SLC22A3: variants seen among roughly 807,000 people sequenced by gnomAD.
SLC22A3 encodes EMT organic cation transporter 3.
Under a neutral mutation model 59.1 loss-of-function variants are expected in SLC22A3, and 51 were observed. The ratio of observed to expected loss-of-function variants is 0.86; its 90% confidence interval spans 0.69 to 1.09. The LOEUF is 1.09. Ranked by LOEUF, SLC22A3 falls within the 50% of genes least tolerant of loss-of-function variation. SLC22A3 has a pLI of 0.00. For missense variants in SLC22A3, 711 were observed against 726.3 expected, an observed-to-expected ratio of 0.98 and a Z score of 0.24; for synonymous variants, 325 against 292.0, an observed-to-expected ratio of 1.11 and a Z score of -1.15.
intron 2 of SLC22A3, among the ~76,000 whole-genome samples, chr6:160,401,990 A>C (rs961750655): frequency 1.3e-5 from 2 of 151,970 alleles, no homozygotes; most frequent in African/African-American, 2.4e-5. Flanking sequence ...AAGGGAAACA[A>C]ATAGAAGATG....
chr6:160,441,276 A>T (rs1788528331), intron 7 of SLC22A3, among the ~76,000 whole-genome samples: 1 of 152,064 alleles, frequency 6.6e-6, no homozygotes, highest in Non-Finnish European at 1.5e-5. Context: ...GATGGAGTGG[A>T]ATGCATTACC....
At chr6:160,353,595 G>C (rs1422491304) in intron 1 of SLC22A3, among the ~76,000 whole-genome samples, 2 of 151,980 alleles carry the variant, frequency 1.3e-5, no homozygotes. Flanking sequence ...AAAATATGAG[G>C]GAAAAGATGT....
chr6:160,396,041 A>T (rs1786456479), intron 1 of SLC22A3, among the ~76,000 whole-genome samples: 1 of 152,176 alleles, frequency 6.6e-6, no homozygotes, highest in Non-Finnish European at 1.5e-5. Context: ...ATTTTAAGGG[A>T]GCCAGTTTTC....
intron 1 of SLC22A3, among the ~76,000 whole-genome samples, chr6:160,351,863 A>T (rs977074176): frequency 5.3e-5 from 8 of 152,176 alleles, no homozygotes; most frequent in Admixed American, 5.2e-4. Flanking sequence ...TATGTAGCCA[A>T]ACTGGATTCA....
intron 3 of SLC22A3, 53 bp downstream of exon 3, chr6:160,407,248 A>C: frequency 6.5e-7 from 1 of 1,530,714 alleles, no homozygotes; most frequent in Non-Finnish European, 8.8e-7. Context: ...CCAGATAGCC[A>C]ACAAATGCTA....
intron 1 of SLC22A3, among the ~76,000 whole-genome samples, chr6:160,357,128 A>T (rs9457911): frequency 6.6e-6 from 1 of 152,202 alleles, no homozygotes; most frequent in Non-Finnish European, 1.5e-5. Flanking sequence ...AAACCACTGG[A>T]TGGAGGAAGG....
chr6:160,380,666 C>G (rs1282869798), intron 1 of SLC22A3, among the ~76,000 whole-genome samples: 1 of 152,060 alleles, frequency 6.6e-6, no homozygotes, highest in Non-Finnish European at 1.5e-5. Context: ...AGTCACTATG[C>G]TATTTAAATT....
At chr6:160,433,480 C>G (rs951011693) in intron 5 of SLC22A3, among the ~76,000 whole-genome samples, 5 of 151,964 alleles carry the variant, frequency 3.3e-5, no homozygotes, top group African/African-American at 9.7e-5. Flanking sequence ...CCCAGGAGTT[C>G]AAGACCAGCC....
At chr6:160,374,167 C>T (rs1423273456) in intron 1 of SLC22A3, among the ~76,000 whole-genome samples, 2 of 152,222 alleles carry the variant, frequency 1.3e-5, no homozygotes, top group African/African-American at 4.8e-5. Flanking sequence ...CTGATCTGCA[C>T]GTTGTGAAGA....
chr6:160,358,743 A>C (rs1784922728), intron 1 of SLC22A3, among the ~76,000 whole-genome samples: 2 of 152,346 alleles, frequency 1.3e-5, no homozygotes, highest in South Asian at 4.1e-4. Context: ...GCTCTTTGTC[A>C]CTAACTGTGG....
At chr6:160,410,694 T>C (rs779440293) in intron 4 of SLC22A3, 35 bp from the exon 5 acceptor site, 6 of 1,350,962 alleles carry the variant, frequency 4.4e-6, no homozygotes, top group Non-Finnish European at 6.4e-6. Flanking sequence ...TTGAAATTCC[T>C]AGACATAACT....
chr6:160,436,865 T>C lies in SLC22A3; in HGVS notation c.1061T>C (p.Leu354Pro). 6.2e-7 allele frequency: 1 copy of C among 1,613,578 alleles called. No homozygotes were observed. The highest frequency in any genetic ancestry group is 1.1e-5 in the South Asian group (1 of 91,076). Residue 354 changes from leucine to proline, a missense_variant, in exon 6 of 11, where the codon CTT becomes CCT. Coordinates refer to ENST00000275300, the MANE Select transcript of SLC22A3 (RefSeq NM_021977.4). ...CAAATGAGGAAATGCACACTTATTC[T>C]TATGTTTGCTTGGTAAGTTTGACTT... is the stretch of plus-strand genomic sequence containing the variant. ...TPQMRKCTLILMFAWFTSAVV... is the reference protein window; with the variant it reads ...TPQMRKCTLIPMFAWFTSAVV...
chr6:160,372,231 C>A (rs901502690), intron 1 of SLC22A3, among the ~76,000 whole-genome samples: 1 of 152,136 alleles, frequency 6.6e-6, no homozygotes, highest in South Asian at 2.1e-4. Context: ...ATGTAATGCC[C>A]TTCTTTGTCT....
In SLC22A3 at chr6:160,383,232, G is replaced by A. The variant is rs144579839; in HGVS notation, c.430-14747G>A. Among the ~76,000 whole-genome samples, 678 of 152,326 alleles carry A rather than the reference G, an allele frequency of 4.5e-3. 4 individuals carry two copies. The highest frequency in any genetic ancestry group is 0.023 in the South Asian group (113 of 4,826). ...AGAGAGAGGTTCTTGGTTAACCTCAGTGTTTTCACATTTTAAATTATTTCC... is the reference window on the plus strand; with the variant it reads ...AGAGAGAGGTTCTTGGTTAACCTCAATGTTTTCACATTTTAAATTATTTCC... On this transcript the variant is annotated intron_variant, in intron 1 of 10. Transcript: ENST00000275300.
rs1677738917 is a variant in SLC22A3, at chr6:160,452,394, ATT to A, written c.*1340_*1341del. 1 of 152,168 alleles carries A rather than the reference ATT, an allele frequency of 6.6e-6. No homozygotes were observed. The highest frequency in any genetic ancestry group is 1.5e-5 in the Non-Finnish European group (1 of 68,026). 9.4% of individuals were successfully genotyped at this position (152,168 alleles called of 1,614,324 possible). On this transcript the variant is annotated 3_prime_UTR_variant, in exon 11 of 11. Transcript: ENST00000275300. ...CATCAGAATTGAATACGAATAATCT[ATT>A]TGTCGATGAAATAAACACAACTCTT...
At chr6:160,422,831 CTT>C (rs1171628705) in intron 5 of SLC22A3, among the ~76,000 whole-genome samples, 2 of 146,640 alleles carry the variant, frequency 1.4e-5, no homozygotes, top group Non-Finnish European at 3.0e-5. Context: ...ATGTCACCTT[CTT>C]TTTTTTTTTA....
At position 160,408,899 on chromosome 6, in the gene SLC22A3, T is replaced by C. The variant is rs561346956; in HGVS notation, c.835T>C (p.Phe279Leu). The C allele has an allele frequency of 2.2e-5, 36 of 1,613,802 alleles. No homozygotes were observed. The highest frequency in any genetic ancestry group is 3.1e-5 in the Non-Finnish European group (36 of 1,179,846). Residue 279 changes from phenylalanine (F) to leucine (L), a missense_variant, in exon 4 of 11, where the codon TTT becomes CTT. Physicochemically the swap from Phe to Leu is conservative, Grantham distance 22. Coordinates refer to ENST00000275300, the MANE Select transcript of SLC22A3 (RefSeq NM_021977.4). ...CCAGTTAGCCATCACGCTGCCCAGC[T>C]TTCTCTTCCTCCTTTATTACTGGTA... ...GIQLAITLPS[F>L]LFLLYYWVVP...
chr6:160,437,499 C>G (rs1001318087), intron 7 of SLC22A3, among the ~76,000 whole-genome samples: 1 of 152,196 alleles, frequency 6.6e-6, no homozygotes, highest in Non-Finnish European at 1.5e-5. Flanking sequence ...ATGTGACTTA[C>G]TTTTGTGATA....
chr6:160,398,525 A>T (rs998809177), intron 2 of SLC22A3, among the ~76,000 whole-genome samples: 1 of 152,190 alleles, frequency 6.6e-6, no homozygotes, highest in Non-Finnish European at 1.5e-5. Flanking sequence ...CTTGTATTTT[A>T]TTCTACAAAT....
Sources: gnomAD v4.1 joint callset for allele counts (sites outside exome capture counted in the v4.1 genomes callset) on GRCh38, gnomAD v4.1.1 for gene constraint, MANE v1.5 for transcripts, NCBI Gene and HGNC (gene_info 2026-07-23, HGNC 2026-07-21) for gene names.